SPTBN1: variants seen among roughly 807,000 people sequenced by gnomAD.
The protein encoded by SPTBN1 is spectrin beta chain, non-erythrocytic 1.
Under a neutral mutation model 266.4 loss-of-function variants are expected in SPTBN1, and 32 were observed. That is an observed-to-expected ratio of 0.12 (90% CI 0.09 to 0.16). The LOEUF (loss-of-function observed/expected upper bound fraction) is 0.16. Ranked by LOEUF, SPTBN1 falls within the 10% of genes least tolerant of loss-of-function variation. The probability of loss-of-function intolerance (pLI) is 1.00; values close to 1 mark genes in which losing one functional copy is unlikely to be tolerated. For synonymous variants in SPTBN1, 1,336 were observed against 1,162.2 expected, an observed-to-expected ratio of 1.15 and a Z score of -3.04; for missense variants, 2,296 against 3,067.1, an observed-to-expected ratio of 0.75 and a Z score of 5.94.
intron 2 of SPTBN1, among the ~76,000 whole-genome samples, chr2:54,593,337 G>C (rs1287218778): frequency 2.6e-5 from 4 of 152,112 alleles, no homozygotes; most frequent in Non-Finnish European, 5.9e-5. Context: ...CCTTCTTTCT[G>C]TCTCCCACCC....
At chr2:54,625,909 C>G (rs1229414072) in intron 11 of SPTBN1, 23 bp from the exon 12 acceptor site, 1 of 1,606,182 alleles carries the variant, frequency 6.2e-7, no homozygotes, top group South Asian at 1.1e-5. Context: ...TATTTTCCTT[C>G]TTTTCATTCC....
intron 1 of SPTBN1, among the ~76,000 whole-genome samples, chr2:54,467,266 CTCTT>C (rs902652742): frequency 1.3e-5 from 2 of 151,904 alleles, no homozygotes; most frequent in African/African-American, 4.8e-5. Context: ...GGGCTTTTTT[CTCTT>C]TATCTTATTT....
Position 54,599,208 on chromosome 2 carries a change from A to G in SPTBN1, c.265A>G (p.Ile89Val). ...YTDLRDGRML[I>V]KLLEVLSGER... is the part of the protein sequence containing the mutation. ...TGACCTTCGAGATGGACGGATGCTC[A>G]TCAAGCTGCTGGAGGTCCTCTCTGG... The change falls in exon 3 of 36, where the codon ATC becomes GTC. Residue 89 changes from isoleucine to valine, a missense_variant. Around this residue, in one of 12 missense-constraint regions of SPTBN1, gnomAD observed 178 missense variants for 375.7 expected, o/e 0.47. Transcript: ENST00000356805. 3 of 1,614,196 alleles carry G rather than the reference A, an allele frequency of 1.9e-6. No homozygotes were observed. Among genetic ancestry groups the G allele is most frequent in the Non-Finnish European group, 2.5e-6 (3 of 1,180,042 alleles).
intron 18 of SPTBN1, among the ~76,000 whole-genome samples, chr2:54,639,802 A>C (rs1004963755): frequency 1.3e-5 from 2 of 152,226 alleles, no homozygotes; most frequent in Admixed American, 1.3e-4. Context: ...AGGCATGCCC[A>C]GGGGCTCTGT....
At chr2:54,560,643 T>A (rs1022274788) in intron 2 of SPTBN1, among the ~76,000 whole-genome samples, 1 of 152,244 alleles carries the variant, frequency 6.6e-6, no homozygotes, top group African/African-American at 2.4e-5. Context: ...CTTCGTGTTT[T>A]GTGTGGTAGC....
At chr2:54,659,437 G>T (rs1023914678) in intron 31 of SPTBN1, among the ~76,000 whole-genome samples, 171 bp downstream of exon 31, 2 of 152,150 alleles carry the variant, frequency 1.3e-5, no homozygotes, top group Admixed American at 6.5e-5. Context: ...ACCTTGGAGG[G>T]CACTGATTTG....
chr2:54,587,451 C>T (rs1675367539), intron 2 of SPTBN1, among the ~76,000 whole-genome samples: 1 of 152,180 alleles, frequency 6.6e-6, no homozygotes, highest in South Asian at 2.1e-4. Context: ...TTCTGCCATT[C>T]TGTGTTAAGT....
chr2:54,642,710 T>C (rs1460256054), intron 18 of SPTBN1, among the ~76,000 whole-genome samples: 3 of 152,144 alleles, frequency 2.0e-5, no homozygotes, highest in Non-Finnish European at 4.4e-5. Context: ...GGAAAGCCAG[T>C]TATGAGTGCC....
At chr2:54,641,241 A>T (rs1679529066) in intron 18 of SPTBN1, among the ~76,000 whole-genome samples, 1 of 152,162 alleles carries the variant, frequency 6.6e-6, no homozygotes, top group African/African-American at 2.4e-5. Flanking sequence ...CTGTAGGATG[A>T]TGTGTTCAGC....
At chr2:54,632,914 C>G in intron 17 of SPTBN1, 146 bp downstream of exon 17, 2 of 847,460 alleles carry the variant, frequency 2.4e-6, no homozygotes, top group Non-Finnish European at 3.6e-6. Flanking sequence ...TCTACCCATA[C>G]AGAAAATTAG....
In SPTBN1 at chr2:54,664,442, G is replaced by A. The variant is rs747459545; in HGVS notation, c.6421-11G>A. On this transcript the variant is annotated splice_polypyrimidine_tract_variant and intron_variant, in intron 32 of 35. Coordinates refer to ENST00000356805, the MANE Select transcript of SPTBN1 (RefSeq NM_003128.3). The surrounding 1 kb of genome is among the most constrained non-coding windows in gnomAD (Gnocchi z 5.6). ...ACGGAGTTAGCTGAATGGCCTCTCC[G>A]CTGTCCCTAGATGGCAGAAACGGTG... 51 of 1,606,052 alleles carry A rather than the reference G, an allele frequency of 3.2e-5. No individual in the cohort carries two copies. Among genetic ancestry groups the A allele is most frequent in the Middle Eastern group, 1.7e-4 (1 of 6,056 alleles).
intron 1 of SPTBN1, among the ~76,000 whole-genome samples, chr2:54,480,125 T>C (rs1191740445): frequency 6.6e-6 from 1 of 152,206 alleles, no homozygotes; most frequent in Non-Finnish European, 1.5e-5. Flanking sequence ...CACTTAATTA[T>C]ATAATTAGCA....
chr2:54,577,781 T>C (rs1207646546), intron 2 of SPTBN1, among the ~76,000 whole-genome samples: 1 of 152,244 alleles, frequency 6.6e-6, no homozygotes, highest in African/African-American at 2.4e-5. Flanking sequence ...ACCATCTTGC[T>C]GTGCTGCCTG....
At chr2:54,656,426 T>C (rs1680663709) in intron 29 of SPTBN1, among the ~76,000 whole-genome samples, 1 of 152,228 alleles carries the variant, frequency 6.6e-6, no homozygotes, top group South Asian at 2.1e-4. Context: ...GAATGAGGCA[T>C]TGTTCTAAGT....
At chr2:54,536,234 T>C (rs13403817) in intron 2 of SPTBN1, among the ~76,000 whole-genome samples, 1 of 152,186 alleles carries the variant, frequency 6.6e-6, no homozygotes, top group African/African-American at 2.4e-5. Flanking sequence ...GGTATAAATT[T>C]AATTTATATA....
chr2:54,572,586 C>T (rs1356292783), intron 2 of SPTBN1, among the ~76,000 whole-genome samples: 1 of 152,230 alleles, frequency 6.6e-6, no homozygotes, highest in Non-Finnish European at 1.5e-5. Context: ...TGAAAGAAAA[C>T]TGCTTTTGGC....
At chr2:54,485,271 G>A (rs893940116) in intron 1 of SPTBN1, among the ~76,000 whole-genome samples, 3 of 148,574 alleles carry the variant, frequency 2.0e-5, no homozygotes, top group Non-Finnish European at 3.0e-5. Context: ...CTCCCATCTC[G>A]GCTCACTGCA....
chr2:54,591,628 C>T (rs1169069267), intron 2 of SPTBN1, among the ~76,000 whole-genome samples: 1 of 151,776 alleles, frequency 6.6e-6, no homozygotes, highest in Non-Finnish European at 1.5e-5. Flanking sequence ...CTTTTTTTTC[C>T]ATCCGGAGAT....
intron 1 of SPTBN1, among the ~76,000 whole-genome samples, chr2:54,520,010 T>A (rs1445383142): frequency 2.0e-5 from 3 of 151,994 alleles, no homozygotes; most frequent in Non-Finnish European, 4.4e-5. Flanking sequence ...CAGGCGGAGT[T>A]AGTGATTGTT....
Sources: gnomAD v4.1 joint callset for allele counts (sites outside exome capture counted in the v4.1 genomes callset) on GRCh38, gnomAD v4.1.1 for gene constraint, gnomAD v4.1.1 regional missense constraint, Gnocchi (gnomAD v3.1) non-coding constraint, MANE v1.5 for transcripts, NCBI Gene and HGNC (gene_info 2026-07-23, HGNC 2026-07-21) for gene names.